ETNPPL: variants seen among roughly 807,000 people sequenced by gnomAD.
ETNPPL encodes the protein ethanolamine-phosphate phospho-lyase, also known as alanine--glyoxylate aminotransferase 2-like 1.
A neutral mutation model predicts 55.5 loss-of-function variants in ETNPPL; 30 were observed. That is an observed-to-expected ratio of 0.54 (90% CI 0.40 to 0.73). ETNPPL has a LOEUF of 0.73. Ranked by LOEUF, ETNPPL falls within the 30% of genes least tolerant of loss-of-function variation. The pLI, the probability that ETNPPL is intolerant of heterozygous loss-of-function variation, is 0.00. For synonymous variants in ETNPPL, 202 were observed against 207.2 expected, an observed-to-expected ratio of 0.98 and a Z score of 0.21; for missense variants, 528 against 607.9, an observed-to-expected ratio of 0.87 and a Z score of 1.38.
In ETNPPL at chr4:108,750,818, G is replaced by A. The variant is rs146659446; in HGVS notation, c.701+118C>T. The stretch of plus-strand genomic sequence containing the variant: ...GGAGTCCTGGGTTGGCAGGCACTCA[G>A]GTGTGGCTATTTACCAGCTAATCAG... On this transcript the variant is annotated intron_variant, in intron 7 of 12. Coordinates refer to ENST00000296486, the MANE Select transcript of ETNPPL (RefSeq NM_031279.4). The A allele has an allele frequency of 5.6e-4, 419 of 751,210 alleles. 2 individuals carry two copies. In the African/African-American group the frequency reaches 6.6e-3, roughly 12 times the overall value. The allele number at this position is 751,210 out of a possible 1,614,324, so 46.5% of individuals were successfully genotyped here. A position where few individuals can be genotyped will look rare whatever the true frequency, so the allele number is the denominator to read the frequency against.
Position 108,747,144 on chromosome 4 carries a change from ATAT to A in ETNPPL, c.1083-296_1083-294del, listed in dbSNP as rs1560650066. ...TAACATTATATATATATATATATATATATAATATATATATATATATTATATATA... is the reference window on the plus strand; with the variant it reads ...TAACATTATATATATATATATATATAAATATATATATATATATTATATATA... On this transcript the variant is annotated intron_variant, in intron 9 of 12. Transcript: ENST00000296486. Among the ~76,000 whole-genome samples the A allele has an allele frequency of 4.7e-4, 11 of 23,648 alleles. 1 individual carries two copies. Among genetic ancestry groups the A allele is most frequent in the African/African-American group, 2.1e-3 (9 of 4,214 alleles). 15.5% of individuals were successfully genotyped at this position (23,648 alleles called of 152,430 possible).
rs761424100 is a variant in ETNPPL, at chr4:108,752,870, T to A, written c.618+25A>T. 8.7e-6 allele frequency: 11 copies of A among 1,270,176 alleles called. No individual in the cohort carries two copies. In the Admixed American group the frequency reaches 1.1e-4, roughly 13 times the overall value. The allele number at this position is 1,270,176 out of a possible 1,614,324, so 78.7% of individuals were successfully genotyped here. On this transcript the variant is annotated intron_variant, in intron 6 of 12. Coordinates refer to ENST00000296486, the MANE Select transcript of ETNPPL (RefSeq NM_031279.4). ...ATCCCTTTTATAAAAGATGTTGAGA[T>A]GTTTCCAAAGCTATAAATACAAACC...
In ETNPPL at chr4:108,760,251, T is replaced by A. The variant is rs745955796; in HGVS notation, c.112A>T (p.Arg38Trp). The A allele has an allele frequency of 1.5e-5, 24 of 1,612,908 alleles. No individual in the cohort carries two copies. The highest frequency in any genetic ancestry group is 2.0e-5 in the Non-Finnish European group (23 of 1,179,156). Residue 38 changes from arginine (R) to tryptophan (W), a missense_variant, in exon 2 of 13, where the codon AGG (arginine) becomes TGG (tryptophan). Transcript: ENST00000296486. ...SDPIKIVRAQ[R>W]QYMFDENGEQ... ...CCGTTCTCATCAAACATGTACTGCC[T>A]CTGGGCTCTCACTATTTTGATGGGA...
chr4:108,751,038 G>T lies in ETNPPL; in HGVS notation c.619-20C>A. 6.3e-7 allele frequency: 1 copy of T among 1,586,050 alleles called. No homozygotes were observed. The highest frequency in any genetic ancestry group is 1.3e-5 in the African/African-American group (1 of 74,392). On this transcript the variant is annotated intron_variant, in intron 6 of 12. Coordinates refer to ENST00000296486, the MANE Select transcript of ETNPPL (RefSeq NM_031279.4). ...AGCAATCTATACAAGAGAAGATGGT[G>T]TCAAAGTCCATTAGGTCCCCCTACA... is the stretch of plus-strand genomic sequence containing the variant.
chr4:108,752,226 T>A (rs1728948468), intron 6 of ETNPPL, among the ~76,000 whole-genome samples: 1 of 152,196 alleles, frequency 6.6e-6, no homozygotes, highest in Non-Finnish European at 1.5e-5. Flanking sequence ...TTAAGGTTTT[T>A]TTTTAAAATA....
chr4:108,756,294 T>C, intron 4 of ETNPPL, 124 bp downstream of exon 4: 1 of 637,418 alleles, frequency 1.6e-6, no homozygotes, highest in East Asian at 2.8e-5. Context: ...TTTAAAAACA[T>C]TAAAACATTG....
intron 11 of ETNPPL, among the ~76,000 whole-genome samples, chr4:108,744,893 T>G (rs769300160): frequency 6.6e-6 from 1 of 152,014 alleles, no homozygotes; most frequent in Non-Finnish European, 1.5e-5. Context: ...CTAATTTTTG[T>G]ATTTTATTTT....
chr4:108,751,785 A>T (rs1272617145), intron 6 of ETNPPL, among the ~76,000 whole-genome samples: 3 of 152,230 alleles, frequency 2.0e-5, no homozygotes, highest in Non-Finnish European at 4.4e-5. Context: ...GTACAATTCC[A>T]TGACTTTGCA....
intron 9 of ETNPPL, among the ~76,000 whole-genome samples, chr4:108,747,355 T>C (rs540896248): frequency 6.7e-6 from 1 of 148,672 alleles, no homozygotes; most frequent in African/African-American, 2.5e-5. Flanking sequence ...TAGAGCTACA[T>C]TAAGTTCCTT....
chr4:108,758,285 G>A (rs1277337841), intron 3 of ETNPPL, among the ~76,000 whole-genome samples: 2 of 151,686 alleles, frequency 1.3e-5, no homozygotes, highest in South Asian at 2.1e-4. Context: ...CCACCACGCC[G>A]AACCATATTT....
chr4:108,745,405 G>T (rs1728423575), intron 11 of ETNPPL, among the ~76,000 whole-genome samples: 1 of 151,948 alleles, frequency 6.6e-6, no homozygotes, highest in Non-Finnish European at 1.5e-5. Context: ...GACCAGCCTG[G>T]CCCACATGGT....
At chr4:108,761,930 C>T (rs986061566) in intron 1 of ETNPPL, among the ~76,000 whole-genome samples, 1 of 152,206 alleles carries the variant, frequency 6.6e-6, no homozygotes, top group Admixed American at 6.5e-5. Context: ...TGCCCACTGG[C>T]CCGGCTGCAG....
At chr4:108,762,473 T>C in intron 1 of ETNPPL, 1 of 643,286 alleles carries the variant, frequency 1.6e-6, no homozygotes, top group South Asian at 1.5e-5. Context: ...AACTTTCGAG[T>C]TGTGTGGGGG....
intron 1 of ETNPPL, chr4:108,762,183 A>T (rs1308614077): frequency 5.9e-6 from 2 of 337,594 alleles, no homozygotes; most frequent in African/African-American, 4.3e-5. Flanking sequence ...TGTCGGTCTT[A>T]TATACTCACC....
intron 2 of ETNPPL, 61 bp downstream of exon 2, chr4:108,760,127 T>C: frequency 7.8e-7 from 1 of 1,284,530 alleles, no homozygotes; most frequent in South Asian, 1.3e-5. Context: ...AATTAAGTGT[T>C]CCAAGTCAGC....
Position 108,742,618 on chromosome 4 carries a change from A to G in ETNPPL, c.1372-6T>C. ...ATGTGGGCTTCTTTCAGCATCTGCA[A>G]GACAGGCACACAAAGCTCCAGTGGG... On this transcript the variant is annotated splice_polypyrimidine_tract_variant and splice_region_variant and intron_variant, in intron 12 of 12. Transcript: ENST00000296486. 6.2e-7 allele frequency: 1 copy of G among 1,613,768 alleles called. No individual in the cohort carries two copies. The highest frequency in any genetic ancestry group is 8.5e-7 in the Non-Finnish European group (1 of 1,179,980).
chr4:108,747,339 A>G (rs1044394089), intron 9 of ETNPPL, among the ~76,000 whole-genome samples: 3 of 146,680 alleles, frequency 2.0e-5, no homozygotes, highest in Non-Finnish European at 4.5e-5. Flanking sequence ...TTTTCAATAA[A>G]TTATTTAGAG....
Position 108,760,103 on chromosome 4 carries a change from A to T in ETNPPL, c.175+85T>A, listed in dbSNP as rs539565833. 4.4e-6 allele frequency: 5 copies of T among 1,130,022 alleles called. No homozygotes were observed. The Admixed American group carries it at 9.4e-5, about 21-fold the overall frequency. 70.0% of individuals were successfully genotyped at this position (1,130,022 alleles called of 1,614,324 possible). A position where few individuals can be genotyped will look rare whatever the true frequency, so the allele number is the denominator to read the frequency against. On this transcript the variant is annotated intron_variant, in intron 2 of 12. Transcript: ENST00000296486. ...CAGCAAAGGAACTGCAGCCACTGCA[A>T]TTCCCCAAACAAAAATTAAGTGTTC...
intron 10 of ETNPPL, 55 bp from the exon 11 acceptor site, chr4:108,746,584 G>C: frequency 6.3e-7 from 1 of 1,575,904 alleles, no homozygotes. Context: ...TACGATTACT[G>C]AAGAATTATG....
Sources: allele counts gnomAD v4.1 joint callset (sites outside exome capture counted in the v4.1 genomes callset), GRCh38; gene constraint gnomAD v4.1.1; transcripts MANE v1.5; gene names NCBI Gene and HGNC (gene_info 2026-07-23, HGNC 2026-07-21).